CPED1: variants seen among roughly 807,000 people sequenced by gnomAD.
The protein encoded by CPED1 is cadherin-like and PC-esterase domain-containing protein 1.
CPED1 carries 114 observed loss-of-function variants against 128.2 expected under a neutral mutation model. That is an observed-to-expected ratio of 0.89 (90% CI 0.76 to 1.04). The LOEUF is 1.04. Among genes scored for constraint, CPED1 ranks in the 50% least tolerant of loss-of-function variants. The pLI is 0.00. For synonymous variants in CPED1, 462 were observed against 426.7 expected (o/e 1.08, Z -1.02); for missense variants, 1,211 against 1,207.1 (o/e 1.00, Z -0.05).
At chr7:120,989,977 TC>T in intron 2 of CPED1, 107 bp downstream of exon 2, 1 of 1,361,326 alleles carries the variant, frequency 7.3e-7, no homozygotes, top group Non-Finnish European at 1.0e-6. Flanking sequence ...CTGAAAGGGA[TC>T]CAGAGTGTAA....
chr7:121,256,124 C>CAAAAAAAAAAAAAAAAAA (rs1333114209), intron 18 of CPED1, among the ~76,000 whole-genome samples: 1 of 45,338 alleles, frequency 2.2e-5, no homozygotes, highest in African/African-American at 5.4e-5. Flanking sequence ...AAAAAAAAAA[C>CAAAAAAAAAAAAAAAAAA]AAAACAAAAA....
At chr7:121,121,390 C>T (rs748837506) in intron 7 of CPED1, among the ~76,000 whole-genome samples, 115 of 152,240 alleles carry the variant, frequency 7.6e-4, no homozygotes, top group Non-Finnish European at 1.5e-3. Context: ...CAGGTACAAA[C>T]AAATGATGAT....
intron 2 of CPED1, among the ~76,000 whole-genome samples, chr7:120,998,522 AT>A (rs1467729030): frequency 1.3e-5 from 2 of 152,176 alleles, no homozygotes; most frequent in Non-Finnish European, 2.9e-5. Context: ...AATAATTATT[AT>A]TTAATTTCCT....
At chr7:121,160,236 A>G (rs978471431) in intron 16 of CPED1, among the ~76,000 whole-genome samples, 4 of 152,174 alleles carry the variant, frequency 2.6e-5, no homozygotes, top group African/African-American at 9.7e-5. Flanking sequence ...TTATATCACT[A>G]TGACATTACA....
intron 22 of CPED1, among the ~76,000 whole-genome samples, chr7:121,271,934 T>C (rs950875575): frequency 1.3e-5 from 2 of 152,146 alleles, no homozygotes; most frequent in African/African-American, 4.8e-5. Context: ...ATAAATAGGC[T>C]AAGCTGATAA....
At chr7:121,257,410 G>A (rs563565892) in intron 18 of CPED1, among the ~76,000 whole-genome samples, 70 of 152,182 alleles carry the variant, frequency 4.6e-4, no homozygotes, top group African/African-American at 1.3e-3. Context: ...CAGTGTGTGA[G>A]CACTGTTTTC....
chr7:121,096,128 A>G (rs1039982878), intron 5 of CPED1, among the ~76,000 whole-genome samples: 1 of 152,134 alleles, frequency 6.6e-6, no homozygotes, highest in African/African-American at 2.4e-5. Context: ...CTGTTCATTC[A>G]TCACCTCCAA....
At chr7:121,208,193 T>C (rs1483613586) in intron 16 of CPED1, among the ~76,000 whole-genome samples, 1 of 151,988 alleles carries the variant, frequency 6.6e-6, no homozygotes, top group Non-Finnish European at 1.5e-5. Context: ...CAGTATGTAA[T>C]GTACAGCTTA....
chr7:121,260,655 C>CTTA (rs1718924142), intron 18 of CPED1, among the ~76,000 whole-genome samples: 1 of 152,088 alleles, frequency 6.6e-6, no homozygotes, highest in Non-Finnish European at 1.5e-5. Context: ...TTTCCCTTAT[C>CTTA]TATAGCAATG....
At chr7:121,021,823 A>G (rs1433448242) in intron 3 of CPED1, among the ~76,000 whole-genome samples, 1 of 152,034 alleles carries the variant, frequency 6.6e-6, no homozygotes, top group Admixed American at 6.6e-5. Context: ...TGCTGTCAAG[A>G]AGTAGTTACA....
intron 16 of CPED1, among the ~76,000 whole-genome samples, chr7:121,202,544 A>G (rs1239299658): frequency 6.6e-6 from 1 of 152,094 alleles, no homozygotes; most frequent in Non-Finnish European, 1.5e-5. Context: ...GAAAAAAATT[A>G]CTTTTCTATA....
At chr7:121,080,302 CAATT>C (rs1256313590) in intron 5 of CPED1, among the ~76,000 whole-genome samples, 1 of 152,100 alleles carries the variant, frequency 6.6e-6, no homozygotes, top group Admixed American at 6.6e-5. Context: ...AAGTATATTA[CAATT>C]GTTTGGATCT....
intron 7 of CPED1, among the ~76,000 whole-genome samples, chr7:121,111,507 C>G (rs1391400754): frequency 6.6e-6 from 1 of 152,094 alleles, no homozygotes. Context: ...AATCACAAGT[C>G]TAATCTTTTG....
intron 2 of CPED1, among the ~76,000 whole-genome samples, chr7:120,999,950 T>C (rs910349510): frequency 2.3e-4 from 35 of 152,182 alleles, no homozygotes; most frequent in African/African-American, 8.4e-4. Flanking sequence ...TGTCATTCTC[T>C]CTTGTTTTTT....
In CPED1 at chr7:121,295,434, T is replaced by C. The variant is rs2116798486; in HGVS notation, c.2869-6T>C. The C allele has an allele frequency of 6.2e-7, 1 of 1,607,088 alleles. No individual in the cohort carries two copies. Among genetic ancestry groups the C allele is most frequent in the Admixed American group, 1.7e-5 (1 of 59,540 alleles). On this transcript the variant is annotated splice_region_variant and splice_polypyrimidine_tract_variant and intron_variant, in intron 22 of 22. Coordinates refer to ENST00000310396, the MANE Select transcript of CPED1 (RefSeq NM_024913.5). ...GCCTCACAGTTTTCTTGCTCTTCAT[T>C]TACAGGTAGTGAAATCAAAGTTATC...
At chr7:121,027,718 CCAA>C (rs1412718096) in intron 3 of CPED1, among the ~76,000 whole-genome samples, 1 of 147,988 alleles carries the variant, frequency 6.8e-6, no homozygotes, top group East Asian at 2.0e-4. Flanking sequence ...AAGAATTCCA[CCAA>C]CAAGTTAATT....
intron 17 of CPED1, among the ~76,000 whole-genome samples, chr7:121,241,953 A>G (rs974425855): frequency 6.6e-6 from 1 of 152,224 alleles, no homozygotes; most frequent in Non-Finnish European, 1.5e-5. Context: ...GCATTAAAAA[A>G]TACTGATTTC....
intron 5 of CPED1, among the ~76,000 whole-genome samples, chr7:121,090,962 TAAAA>T (rs369642855): frequency 1.2e-4 from 17 of 145,776 alleles, no homozygotes; most frequent in African/African-American, 2.8e-4. Context: ...AAAATAAAAA[TAAAA>T]AAAAAAGCAT....
intron 16 of CPED1, among the ~76,000 whole-genome samples, chr7:121,166,146 A>G (rs142169172): frequency 6.7e-6 from 1 of 149,014 alleles, no homozygotes; most frequent in African/African-American, 2.5e-5. Context: ...CAAAAAAAAA[A>G]CATTTCACCA....
Sources: allele counts gnomAD v4.1 joint callset (sites outside exome capture counted in the v4.1 genomes callset), GRCh38; gene constraint gnomAD v4.1.1; transcripts MANE v1.5; gene names NCBI Gene and HGNC (gene_info 2026-07-23, HGNC 2026-07-21).